DGKA: variants seen among roughly 807,000 people sequenced by gnomAD.
DGKA encodes the protein 80 kDa diacylglycerol kinase.
Under a neutral mutation model 105.0 loss-of-function variants are expected in DGKA, and 35 were observed. The ratio of observed to expected loss-of-function variants is 0.33; its 90% confidence interval spans 0.25 to 0.44. The LOEUF is 0.44. Among genes scored for constraint, DGKA ranks in the 20% least tolerant of loss-of-function variants. The pLI is 1.00. For synonymous variants in DGKA, 296 were observed against 332.0 expected (o/e 0.89, Z 1.18); for missense variants, 665 against 915.0 (o/e 0.73, Z 3.53).
At chr12:55,937,747 C>T (rs573379872) in intron 4 of DGKA, among the ~76,000 whole-genome samples, 4 of 152,174 alleles carry the variant, frequency 2.6e-5, no homozygotes, top group South Asian at 4.1e-4. Context: ...CCTGTAGTCC[C>T]AGCACTTTGG....
rs1888170903 is a variant in DGKA at position 55,951,656 on chromosome 12, A to T, written c.1460A>T (p.Lys487Met). ...YEGQNLAKIL[K>M]DLEMSKVVHM... ...GGACAGAATCTGGCAAAGATCCTCAAGGATTTAGAGATGAGTAAAGTGGTA... is the reference window on the plus strand; with the variant it reads ...GGACAGAATCTGGCAAAGATCCTCATGGATTTAGAGATGAGTAAAGTGGTA... Residue 487 changes from lysine (K) to methionine (M), a missense_variant, in exon 18 of 24, where the codon AAG (lysine) becomes ATG (methionine). Lys to Met is a moderately conservative substitution (Grantham distance 95, BLOSUM62 -1). Around this residue, in one of 3 missense-constraint regions of DGKA, gnomAD observed 504 missense variants for 681.2 expected, o/e 0.74. Transcript: ENST00000331886. 6.2e-7 allele frequency: 1 copy of T among 1,614,074 alleles called. No homozygotes were observed. Among genetic ancestry groups the T allele is most frequent in the Non-Finnish European group, 8.5e-7 (1 of 1,180,022 alleles).
At chr12:55,941,395 G>T in intron 14 of DGKA, 70 bp downstream of exon 14, 1 of 1,588,190 alleles carries the variant, frequency 6.3e-7, no homozygotes. Flanking sequence ...GAAGGTGGAA[G>T]GGGATGTGTG....
At chr12:55,927,346 C>T (rs971251774), upstream of DGKA, 5 of 739,244 alleles carry the variant, frequency 6.8e-6, no homozygotes, top group Non-Finnish European at 1.2e-5. Flanking sequence ...GCCTGTAAAA[C>T]AGTCCTCAGG....
intron 22 of DGKA, 42 bp downstream of exon 22, chr12:55,953,202 G>A: frequency 6.2e-7 from 1 of 1,613,628 alleles, no homozygotes; most frequent in African/African-American, 1.3e-5. Flanking sequence ...AAGGTGTGGG[G>A]CTGGGGCAGC....
upstream of DGKA, chr12:55,929,545 C>T (rs1325064840): frequency 2.6e-5 from 4 of 152,284 alleles, no homozygotes; most frequent in Admixed American, 1.3e-4. Flanking sequence ...TGGGACCCAA[C>T]CCGGGGCCCC....
Position 55,939,515 on chromosome 12 carries a change from G to C in DGKA, c.695G>C (p.Gly232Ala). 1 of 1,614,150 alleles carries C rather than the reference G, an allele frequency of 6.2e-7. No homozygotes were observed. Among genetic ancestry groups the C allele is most frequent in the Non-Finnish European group, 8.5e-7 (1 of 1,180,040 alleles). Residue 232 changes from glycine (G) to alanine (A), a missense_variant, in exon 9 of 24, where the codon GGA (glycine) becomes GCA (alanine). Coordinates refer to ENST00000331886, the MANE Select transcript of DGKA (RefSeq NM_001345.5). ...TCAAGCATTGGTCTTGGCAAACAGG[G>C]ACTGAGCTGTAACCGTGAGTAATGG... Reference protein sequence around the residue: ...CESSIGLGKQGLSCNLCKYTV... With the variant: ...CESSIGLGKQALSCNLCKYTV...
chr12:55,952,323 G>A lies in DGKA; in HGVS notation c.1653-18G>A, dbSNP rs1888332504. 1 of 1,613,662 alleles carries A rather than the reference G, an allele frequency of 6.2e-7. No individual in the cohort carries two copies. The highest frequency in any genetic ancestry group is 8.5e-7 in the Non-Finnish European group (1 of 1,179,704). On this transcript the variant is annotated intron_variant, in intron 19 of 23. Coordinates refer to ENST00000331886, the MANE Select transcript of DGKA (RefSeq NM_001345.5). The surrounding 1 kb of genome is among the most constrained non-coding windows in gnomAD (Gnocchi z 5.1). ...AACCTGTCCCTCCCTACTGGGCCTT[G>A]TGTTGGGGCTGACACAGAATGAAGA...
Position 55,940,704 on chromosome 12 carries a change from C to T in DGKA, c.999C>T (p.Ser333=). Residue 333 remains serine, a synonymous_variant, in exon 12 of 24, where the codon TCC becomes TCT. Coordinates refer to ENST00000331886, the MANE Select transcript of DGKA (RefSeq NM_001345.5). This position sits in a 1 kb window ranked among gnomAD's most constrained non-coding sequence, Gnocchi z 4.3. The part of the protein sequence containing the change: ...LLRDHILPPS[S]IYPSVLASGP... ...GGGATCACATCCTGCCTCCATCTTCCATCTATCCCAGTGTCCTGGTGAGAC... is the reference window on the plus strand; with the variant it reads ...GGGATCACATCCTGCCTCCATCTTCTATCTATCCCAGTGTCCTGGTGAGAC... 1 of 1,608,762 alleles carries T rather than the reference C, an allele frequency of 6.2e-7. No individual in the cohort carries two copies.
chr12:55,939,474 C>T lies in DGKA; in HGVS notation c.654C>T (p.Tyr218=). The T allele has an allele frequency of 6.2e-7, 1 of 1,614,238 alleles. No individual in the cohort carries two copies. The highest frequency in any genetic ancestry group is 1.1e-5 in the South Asian group (1 of 91,088). The part of the protein sequence containing the change: ...WRPKRFPRPV[Y]CNLCESSIGL... ...CCAAGAGGTTCCCCAGACCAGTCTA[C>T]TGCAATCTGTGCGAGTCAAGCATTG... Residue 218 remains tyrosine (Y), a synonymous_variant, in exon 9 of 24, where the codon TAC becomes TAT. Transcript: ENST00000331886.
At chr12:55,950,136 T>G (rs1292760311) in intron 17 of DGKA, among the ~76,000 whole-genome samples, 1 of 147,880 alleles carries the variant, frequency 6.8e-6, no homozygotes, top group African/African-American at 2.5e-5. Flanking sequence ...CACCACGCCT[T>G]GCTGATTTTT....
intron 17 of DGKA, among the ~76,000 whole-genome samples, chr12:55,946,212 C>T (rs1392485312): frequency 2.0e-5 from 3 of 151,410 alleles, no homozygotes; most frequent in Admixed American, 6.6e-5. Flanking sequence ...CTCTTGTTGC[C>T]CAGGCTGGAG....
At chr12:55,953,527 A>G (rs2136426917) in intron 23 of DGKA, 117 bp downstream of exon 23, 2 of 1,357,880 alleles carry the variant, frequency 1.5e-6, no homozygotes, top group South Asian at 2.4e-5. Context: ...CACATCATTC[A>G]TCCTAAACCC....
In DGKA at chr12:55,937,952, C is replaced by T. The variant is rs375304544; in HGVS notation, c.275-26C>T. On this transcript the variant is annotated intron_variant, in intron 4 of 23. Coordinates refer to ENST00000331886, the MANE Select transcript of DGKA (RefSeq NM_001345.5). ...TGAGCCAAAGTGGAGGGAGCCCTGA[C>T]TTCTGATCTGCTTTTTTGTAACCAG... The T allele has an allele frequency of 5.6e-6, 9 of 1,609,906 alleles. No individual in the cohort carries two copies. The East Asian group carries it at 1.6e-4, about 28-fold the overall frequency.
At chr12:55,953,644 G>A (rs200342263) in intron 23 of DGKA, 41 bp from the exon 24 acceptor site, 3 of 1,590,580 alleles carry the variant, frequency 1.9e-6, no homozygotes, top group East Asian at 2.2e-5. Context: ...CAGCCCCAAA[G>A]TATCAGGTCC....
rs376947188 is a variant in DGKA at position 55,953,333 on chromosome 12, T to A, written c.2064-17T>A. On this transcript the variant is annotated splice_polypyrimidine_tract_variant and intron_variant, in intron 22 of 23. Coordinates refer to ENST00000331886, the MANE Select transcript of DGKA (RefSeq NM_001345.5). Reference sequence around the variant, plus strand: ...CGATTGGTAAGGAAATCACCAATGTTCCTTGGCCTCCTATAGCACCACAAA... The same window carrying A: ...CGATTGGTAAGGAAATCACCAATGTACCTTGGCCTCCTATAGCACCACAAA... The A allele has an allele frequency of 4.0e-5, 65 of 1,613,854 alleles. No individual in the cohort carries two copies. The highest frequency in any genetic ancestry group is 5.3e-5 in the Non-Finnish European group (62 of 1,179,956).
chr12:55,937,427 T>A lies in DGKA; in HGVS notation c.158T>A (p.Phe53Tyr). Reference protein sequence around the residue: ...VQGDAIGYEGFQQFLKIYLEV... With the variant: ...VQGDAIGYEGYQQFLKIYLEV... ...TTATAGGCCATTGGGTACGAGGGAT[T>A]CCAGCAATTCCTGAAAATCTATCTC... The change falls in exon 4 of 24, where the codon TTC becomes TAC. Residue 53 changes from phenylalanine (F) to tyrosine (Y), a missense_variant. Phe to Tyr is a conservative substitution (Grantham distance 22). Transcript: ENST00000331886. 6.2e-7 allele frequency: 1 copy of A among 1,614,186 alleles called. No individual in the cohort carries two copies. The highest frequency in any genetic ancestry group is 8.5e-7 in the Non-Finnish European group (1 of 1,180,022).
At chr12:55,950,700 C>T (rs762648678) in intron 17 of DGKA, among the ~76,000 whole-genome samples, 4 of 151,880 alleles carry the variant, frequency 2.6e-5, no homozygotes, top group African/African-American at 4.8e-5. Flanking sequence ...CTCAGCCTCC[C>T]AAAGTGCTGG....
chr12:55,941,140 GA>G, intron 13 of DGKA, 111 bp from the exon 14 acceptor site: 1 of 1,373,722 alleles, frequency 7.3e-7, no homozygotes, highest in Non-Finnish European at 1.0e-6. Flanking sequence ...AAACAGGAGG[GA>G]GGGGGGAAAT....
At chr12:55,949,864 C>CTG (rs1367221172) in intron 17 of DGKA, among the ~76,000 whole-genome samples, 2 of 152,078 alleles carry the variant, frequency 1.3e-5, no homozygotes, top group African/African-American at 4.8e-5. Context: ...GCTGCTCATG[C>CTG]TGGAGTACAG....
Sources: gnomAD v4.1 joint callset for allele counts (sites outside exome capture counted in the v4.1 genomes callset) on GRCh38, gnomAD v4.1.1 for gene constraint, gnomAD v4.1.1 regional missense constraint, Gnocchi (gnomAD v3.1) non-coding constraint, MANE v1.5 for transcripts, NCBI Gene and HGNC (gene_info 2026-07-23, HGNC 2026-07-21) for gene names.